ENTREP2: variants seen among roughly 807,000 people sequenced by gnomAD.
The protein encoded by ENTREP2 is endosomal transmembrane epsin interactor 2.
chr15:29,253,656 C>T, the ENTREP2 span, among the ~76,000 whole-genome samples: 152 of 152,068 alleles, frequency 1.0e-3, 1 homozygote, highest in Middle Eastern at 3.4e-3. Context: ...TTGGCCAGGA[C>T]GGTCTCGATC....
At chr15:29,657,321 A>G in the ENTREP2 span, among the ~76,000 whole-genome samples, 2 of 151,230 alleles carry the variant, frequency 1.3e-5, no homozygotes, top group Admixed American at 1.3e-4. Flanking sequence ...CAGCCTCCCA[A>G]AGCGCCCACC....
the ENTREP2 span, among the ~76,000 whole-genome samples, chr15:29,599,545 G>C: frequency 1.3e-5 from 2 of 152,204 alleles, no homozygotes; most frequent in Non-Finnish European, 2.9e-5. Flanking sequence ...CCTAACACCA[G>C]TGCTTCCTTG....
At chr15:29,544,348 GA>G in the ENTREP2 span, among the ~76,000 whole-genome samples, 1 of 152,186 alleles carries the variant, frequency 6.6e-6, no homozygotes, top group Non-Finnish European at 1.5e-5. Context: ...GCTGGGGGCA[GA>G]CAATAGGAAA....
the ENTREP2 span, among the ~76,000 whole-genome samples, chr15:29,295,400 T>A: frequency 2.6e-5 from 4 of 152,134 alleles, no homozygotes; most frequent in African/African-American, 4.8e-5. Flanking sequence ...AGGCCTCTAC[T>A]GAGTCAAGGG....
the ENTREP2 span, among the ~76,000 whole-genome samples, chr15:29,309,522 G>A: frequency 1.2e-4 from 18 of 152,230 alleles, no homozygotes; most frequent in African/African-American, 4.3e-4. Flanking sequence ...GCTCACGCAT[G>A]TAATTCCAGC....
chr15:29,380,471 G>A, the ENTREP2 span, among the ~76,000 whole-genome samples: 2 of 152,210 alleles, frequency 1.3e-5, no homozygotes, highest in Non-Finnish European at 2.9e-5. Context: ...AAAATGCCAC[G>A]CTGTCTTTTT....
At chr15:29,412,198 G>C in the ENTREP2 span, among the ~76,000 whole-genome samples, 1 of 151,416 alleles carries the variant, frequency 6.6e-6, no homozygotes, top group Non-Finnish European at 1.5e-5. Context: ...GCTTAGACTA[G>C]CTCTCTCAAT....
At chr15:29,502,994 C>G in the ENTREP2 span, among the ~76,000 whole-genome samples, 2 of 152,016 alleles carry the variant, frequency 1.3e-5, no homozygotes, top group Non-Finnish European at 2.9e-5. Flanking sequence ...AACTGGAACT[C>G]ATACGTTGCT....
At chr15:29,245,940 G>A in the ENTREP2 span, among the ~76,000 whole-genome samples, 1 of 152,144 alleles carries the variant, frequency 6.6e-6, no homozygotes, top group South Asian at 2.1e-4. Context: ...AATTTAAAGT[G>A]CACTCATGCT....
At chr15:29,570,450 C>A in the ENTREP2 span, 3 of 1,127,026 alleles carry the variant, frequency 2.7e-6, no homozygotes, top group Non-Finnish European at 3.3e-6. Flanking sequence ...AGCGCCTAGC[C>A]CCCCCGGCCC....
the ENTREP2 span, among the ~76,000 whole-genome samples, chr15:29,549,790 T>G: frequency 6.6e-6 from 1 of 152,080 alleles, no homozygotes; most frequent in Non-Finnish European, 1.5e-5. Context: ...CATACCAGAG[T>G]AAGCAAGGGC....
the ENTREP2 span, among the ~76,000 whole-genome samples, chr15:29,309,236 G>A: frequency 1.3e-5 from 2 of 152,162 alleles, no homozygotes; most frequent in African/African-American, 2.4e-5. Flanking sequence ...TGAGTATAGT[G>A]ATAATGATAG....
the ENTREP2 span, among the ~76,000 whole-genome samples, chr15:29,215,890 G>C: frequency 6.6e-6 from 1 of 152,166 alleles, no homozygotes; most frequent in African/African-American, 2.4e-5. Context: ...GGGTTGGTGA[G>C]TTCTTATCTA....
chr15:29,161,686 T>C, the ENTREP2 span, among the ~76,000 whole-genome samples: 1,629 of 152,276 alleles, frequency 0.011, 17 homozygotes, highest in Non-Finnish European at 0.018. Flanking sequence ...TACAGGCTCA[T>C]TGTTCTCTTC....
the ENTREP2 span, among the ~76,000 whole-genome samples, chr15:29,636,799 A>G: frequency 6.6e-6 from 1 of 152,202 alleles, no homozygotes; most frequent in African/African-American, 2.4e-5. Flanking sequence ...AGACATGAAT[A>G]TAGCTAAATA....
the ENTREP2 span, among the ~76,000 whole-genome samples, chr15:29,571,153 G>A: frequency 1.3e-5 from 2 of 151,724 alleles, no homozygotes; most frequent in Non-Finnish European, 3.0e-5. Flanking sequence ...GAGGGGCGGG[G>A]AAGGCGCAGG....
the ENTREP2 span, among the ~76,000 whole-genome samples, chr15:29,435,553 T>TAAA: frequency 6.6e-6 from 1 of 152,078 alleles, no homozygotes; most frequent in African/African-American, 2.4e-5. Flanking sequence ...ACCATCTTTA[T>TAAA]AGTGTAGTTT....
At chr15:29,279,564 C>T in the ENTREP2 span, among the ~76,000 whole-genome samples, 2 of 152,048 alleles carry the variant, frequency 1.3e-5, no homozygotes, top group Admixed American at 6.6e-5. Flanking sequence ...GGGGTTTCAC[C>T]ATGTTGGCCA....
the ENTREP2 span, among the ~76,000 whole-genome samples, chr15:29,134,658 C>G: frequency 6.6e-6 from 1 of 152,134 alleles, no homozygotes; most frequent in African/African-American, 2.4e-5. Context: ...CTGCCTGCAA[C>G]GGTGACCAGT....
Sources: allele counts gnomAD v4.1 joint callset (sites outside exome capture counted in the v4.1 genomes callset), GRCh38; gene constraint gnomAD v4.1.1; transcripts MANE v1.5; gene names NCBI Gene and HGNC (gene_info 2026-07-23, HGNC 2026-07-21).